IL17RE: variants seen among roughly 807,000 people sequenced by gnomAD.
The protein encoded by IL17RE is interleukin-17 receptor E.
In IL17RE, 47 loss-of-function variants were observed where a neutral mutation model predicts 70.7. The ratio of observed to expected loss-of-function variants is 0.67; its 90% CI spans 0.53 to 0.85. IL17RE has a LOEUF of 0.85. Among genes scored for constraint, IL17RE ranks in the 40% least tolerant of loss-of-function variants. The pLI is 0.00. For missense variants in IL17RE, 850 were observed against 893.9 expected (o/e 0.95, Z 0.63); for synonymous variants, 372 against 381.2 (o/e 0.98, Z 0.28).
intron 3 of IL17RE, among the ~76,000 whole-genome samples, chr3:9,905,409 T>A (rs2082729626): frequency 1.3e-5 from 2 of 152,030 alleles, no homozygotes; most frequent in Non-Finnish European, 2.9e-5. Context: ...TGAGCAGTGA[T>A]TGTGCCACTG....
chr3:9,915,538 GC>G lies in IL17RE; in HGVS notation c.1738del (p.Leu580CysfsTer71). On this transcript the variant is annotated frameshift_variant, in exon 16 of 16. Transcript: ENST00000383814. LOFTEE classifies it low-confidence loss of function (END_TRUNC). The surrounding 1 kb of genome is among the most constrained non-coding windows in gnomAD (Gnocchi z 4.9). ...GPDPRAAPLL[A>X]LLHAAPRPLL... Reference sequence around the variant, plus strand: ...CGACCCCCGCGCCGCGCCCCTGCTCGCCCTGCTCCACGCTGCCCCGCGCCCG... The same window carrying G: ...CGACCCCCGCGCCGCGCCCCTGCTCGCCTGCTCCACGCTGCCCCGCGCCCG... 7.3e-7 allele frequency: 1 copy of G among 1,367,190 alleles called. No individual in the cohort carries two copies. Among genetic ancestry groups the G allele is most frequent in the Non-Finnish European group, 9.4e-7 (1 of 1,064,290 alleles). 84.7% of individuals were successfully genotyped at this position (1,367,190 alleles called of 1,614,324 possible). A position where few individuals can be genotyped will look rare whatever the true frequency, so the allele number is the denominator to read the frequency against.
Position 9,915,179 on chromosome 3 carries a change from G to T in IL17RE, c.1448-72G>T. On this transcript the variant is annotated intron_variant, in intron 15 of 15. Coordinates refer to ENST00000383814, the MANE Select transcript of IL17RE (RefSeq NM_153480.2). The surrounding 1 kb of genome is among the most constrained non-coding windows in gnomAD (Gnocchi z 4.9). ...AGAGGCGAGCACCCTACGGTATCCC[G>T]AGAGGGTGGGGAGAAGAGGGCTGAG... The T allele has an allele frequency of 1.5e-6, 2 of 1,339,606 alleles. No individual in the cohort carries two copies. The highest frequency in any genetic ancestry group is 2.0e-5 in the South Asian group (1 of 51,074). The allele number at this position is 1,339,606 out of a possible 1,614,324, so 83.0% of individuals were successfully genotyped here.
At chr3:9,910,484 G>A (rs2082865654) in intron 8 of IL17RE, 3 of 203,672 alleles carry the variant, frequency 1.5e-5, no homozygotes, top group South Asian at 8.4e-5. Flanking sequence ...AGGAGTCCAC[G>A]AGGTCAGGAG....
At chr3:9,914,970 C>G (rs932461910) in intron 15 of IL17RE, among the ~76,000 whole-genome samples, 193 bp downstream of exon 15, 1 of 152,226 alleles carries the variant, frequency 6.6e-6, no homozygotes, top group African/African-American at 2.4e-5. Flanking sequence ...TGTCACTGTA[C>G]TGAGTCTCTG....
chr3:9,906,033 T>C (rs1339142696), intron 3 of IL17RE, among the ~76,000 whole-genome samples: 1 of 150,930 alleles, frequency 6.6e-6, no homozygotes, highest in Non-Finnish European at 1.5e-5. Flanking sequence ...GCGGATCACC[T>C]GAGGTTGGGA....
In IL17RE at chr3:9,915,961, C is replaced by T. The variant is rs750263763; in HGVS notation, c.*154C>T. ...TCCCTGCCTCACAGGCCGGAAGTCC[C>T]AGCCCAGTCCCCGCGCGCGTCCCTC... On this transcript the variant is annotated 3_prime_UTR_variant, in exon 16 of 16. Coordinates refer to ENST00000383814, the MANE Select transcript of IL17RE (RefSeq NM_153480.2). This position sits in a 1 kb window ranked among gnomAD's most constrained non-coding sequence, Gnocchi z 4.9. The T allele has an allele frequency of 7.9e-7, 1 of 1,272,248 alleles. No individual in the cohort carries two copies. Among genetic ancestry groups the T allele is most frequent in the Non-Finnish European group, 1.0e-6 (1 of 993,646 alleles). 78.8% of individuals were successfully genotyped at this position (1,272,248 alleles called of 1,614,324 possible). A position where few individuals can be genotyped will look rare whatever the true frequency, so the allele number is the denominator to read the frequency against.
Position 9,903,025 on chromosome 3 carries a change from G to A in IL17RE, c.93G>A (p.Leu31=). The change falls in exon 1 of 16, where the codon CTG becomes CTA. Residue 31 remains leucine, a synonymous_variant. Coordinates refer to ENST00000383814, the MANE Select transcript of IL17RE (RefSeq NM_153480.2). ...CTGCTGGGATTGGCTTTCGCCACCT[G>A]CCCCACTGGAACACCCGCTGTCCTC... ...SDSAGIGFRH[L]PHWNTRCPLA... 6.2e-7 allele frequency: 1 copy of A among 1,614,208 alleles called. No homozygotes were observed. The highest frequency in any genetic ancestry group is 8.5e-7 in the Non-Finnish European group (1 of 1,180,032).
At position 9,904,093 on chromosome 3, in the gene IL17RE, T is replaced by C. The variant is rs763917677; in HGVS notation, c.210T>C (p.Cys70=). The change falls in exon 3 of 16, where the codon TGT becomes TGC. Residue 70 remains cysteine, a synonymous_variant. Transcript: ENST00000383814. The part of the protein sequence containing the change: ...WWALFSTKPW[C]VRVWHCSRCL... ...CCCTCTTCTCCACAAAGCCTTGGTG[T>C]GTGCGAGTCTGGCACTGTTCCCGCT... The C allele has an allele frequency of 6.2e-7, 1 of 1,614,098 alleles. No homozygotes were observed. Among genetic ancestry groups the C allele is most frequent in the Non-Finnish European group, 8.5e-7 (1 of 1,180,038 alleles).
rs147638117 is a variant in IL17RE, at chr3:9,907,258, C to T, written c.666+158C>T. On this transcript the variant is annotated intron_variant, in intron 6 of 15. Coordinates refer to ENST00000383814, the MANE Select transcript of IL17RE (RefSeq NM_153480.2). ...GGTCTATCATTAAGACTTCTTTGGG[C>T]GTGGCATGGTGGCTCACACCTGTGG... Among the ~76,000 whole-genome samples the T allele has an allele frequency of 4.6e-3, 707 of 152,172 alleles. 10 individuals carry two copies. The highest frequency in any genetic ancestry group is 7.5e-3 in the East Asian group (39 of 5,180).
At position 9,909,080 on chromosome 3, in the gene IL17RE, C is replaced by T. The variant is rs762462129; in HGVS notation, c.736-137C>T. ...CACCCTTGCCCCCACCCCACATTGCCCCCTCCTGCTCGGTCAGTGCCTGGC... is the reference window on the plus strand; with the variant it reads ...CACCCTTGCCCCCACCCCACATTGCTCCCTCCTGCTCGGTCAGTGCCTGGC... On this transcript the variant is annotated intron_variant, in intron 7 of 15. Coordinates refer to ENST00000383814, the MANE Select transcript of IL17RE (RefSeq NM_153480.2). 2.6e-5 allele frequency: 17 copies of T among 666,638 alleles called. No individual in the cohort carries two copies. The Admixed American group carries it at 3.8e-4, about 15-fold the overall frequency. 41.3% of individuals were successfully genotyped at this position (666,638 alleles called of 1,614,324 possible). A position where few individuals can be genotyped will look rare whatever the true frequency, so the allele number is the denominator to read the frequency against.
Position 9,916,080 on chromosome 3 carries a change from A to G in IL17RE, c.*273A>G, listed in dbSNP as rs2083059412. On this transcript the variant is annotated 3_prime_UTR_variant, in exon 16 of 16. Coordinates refer to ENST00000383814, the MANE Select transcript of IL17RE (RefSeq NM_153480.2). Reference sequence around the variant, plus strand: ...CCCACTTCCTCTCCAGAACTCCAGAAAGAGCAGTGTGCTTATGCTTCAGTC... The same window carrying G: ...CCCACTTCCTCTCCAGAACTCCAGAGAGAGCAGTGTGCTTATGCTTCAGTC... The G allele has an allele frequency of 2.5e-6, 1 of 401,008 alleles. No homozygotes were observed. The highest frequency in any genetic ancestry group is 2.1e-5 in the African/African-American group (1 of 47,830). The allele number at this position is 401,008 out of a possible 1,614,324, so 24.8% of individuals were successfully genotyped here.
rs7356031 is a variant in IL17RE at position 9,907,090 on chromosome 3, A to G, written c.656A>G (p.Tyr219Cys). The change falls in exon 6 of 16, where the codon TAT becomes TGT. Residue 219 changes from tyrosine to cysteine, a missense_variant. Physicochemically the swap from Tyr to Cys is radical, Grantham distance 194. Coordinates refer to ENST00000383814, the MANE Select transcript of IL17RE (RefSeq NM_153480.2). ...GAGTGTGAAGAGCTGAGCAGTCCCT[A>G]TGATGTCCAGGTATGGTGTGTCATC... The part of the protein sequence containing the change: ...ALECEELSSP[Y>C]DVQKIVSGGH... 3,192 of 1,614,146 alleles carry G rather than the reference A, an allele frequency of 2.0e-3. 35 individuals are homozygous for G. The African/African-American group carries it at 0.032, about 16-fold the overall frequency.
chr3:9,904,150 A>C lies in IL17RE; in HGVS notation c.267A>C (p.Ser89=). 1.9e-6 allele frequency: 3 copies of C among 1,614,072 alleles called. No homozygotes were observed. Among genetic ancestry groups the C allele is most frequent in the Non-Finnish European group, 2.5e-6 (3 of 1,179,942 alleles). The change falls in exon 3 of 16, where the codon TCA becomes TCC. Residue 89 remains serine (S), a splice_region_variant and synonymous_variant. Coordinates refer to ENST00000383814, the MANE Select transcript of IL17RE (RefSeq NM_153480.2). ...GCCAGCATCTGCTGTCAGGTGGCTC[A>C]GGTATGAGAAACAGCCCCTTGGGCC... ...CLCQHLLSGG[S]GLQRGLFHLL...
intron 1 of IL17RE, 108 bp downstream of exon 1, chr3:9,903,172 C>T: frequency 9.1e-7 from 1 of 1,104,092 alleles, no homozygotes; most frequent in East Asian, 2.4e-5. Context: ...CTGGTGGCAG[C>T]TTTGATGTGT....
In IL17RE at chr3:9,904,050, C is replaced by A. The variant is rs149524572; in HGVS notation, c.167C>A (p.Pro56His). The A allele has an allele frequency of 1.2e-6, 2 of 1,614,110 alleles. No individual in the cohort carries two copies. Among genetic ancestry groups the A allele is most frequent in the Non-Finnish European group, 1.7e-6 (2 of 1,180,004 alleles). Residue 56 changes from proline (P) to histidine (H), a missense_variant, in exon 3 of 16, where the codon CCT becomes CAT. Pro to His is a moderately conservative substitution (Grantham distance 77, BLOSUM62 -2). Coordinates refer to ENST00000383814, the MANE Select transcript of IL17RE (RefSeq NM_153480.2). ...DSFTGSSAYIPCRTWWALFST... is the reference protein window; with the variant it reads ...DSFTGSSAYIHCRTWWALFST... ...TTCCCAGGAAGTTCTGCCTATATCC[C>A]TTGCCGCACCTGGTGGGCCCTCTTC...
At chr3:9,902,303 C>T (rs1322664346), upstream of IL17RE, among the ~76,000 whole-genome samples, 1 of 152,158 alleles carries the variant, frequency 6.6e-6, no homozygotes, top group African/African-American at 2.4e-5. Context: ...GTATGGAGCC[C>T]TTTGCCTAGA....
chr3:9,907,963 C>A (rs279575), intron 6 of IL17RE, among the ~76,000 whole-genome samples: 73,152 of 151,698 alleles, frequency 0.48, 18,325 homozygotes, highest in Middle Eastern at 0.55. Context: ...TGATTTAATA[C>A]TTCTAGCACC....
intron 3 of IL17RE, among the ~76,000 whole-genome samples, chr3:9,905,878 C>G (rs775020675): frequency 6.6e-6 from 1 of 152,144 alleles, no homozygotes; most frequent in Non-Finnish European, 1.5e-5. Context: ...AGCTTTTTCT[C>G]TGCTTAAGAA....
intron 3 of IL17RE, among the ~76,000 whole-genome samples, chr3:9,905,985 C>T (rs892920671): frequency 3.3e-5 from 5 of 152,154 alleles, no homozygotes; most frequent in African/African-American, 1.2e-4. Context: ...CAGGCCGGCT[C>T]ATGCCTGTAA....
Sources: gnomAD v4.1 joint callset for allele counts (sites outside exome capture counted in the v4.1 genomes callset) on GRCh38, gnomAD v4.1.1 for gene constraint, Gnocchi (gnomAD v3.1) non-coding constraint, MANE v1.5 for transcripts, NCBI Gene and HGNC (gene_info 2026-07-23, HGNC 2026-07-21) for gene names.